The following ZNF429 variants were observed in gnomAD, a reference collection of about 807,000 sequenced individuals.
ZNF429 encodes zinc finger protein 429.
ZNF429 carries 53 observed loss-of-function variants against 56.8 expected under a neutral mutation model. The observed-to-expected ratio is 0.93, with a 90% CI of 0.75 to 1.17. ZNF429 has a LOEUF of 1.17. Ranked by LOEUF, ZNF429 falls within the 50% of genes most tolerant of loss-of-function variation. ZNF429 has a pLI of 0.00. For synonymous variants in ZNF429, 278 were observed against 264.7 expected, an observed-to-expected ratio of 1.05 and a Z score of -0.49; for missense variants, 849 against 788.4, an observed-to-expected ratio of 1.08 and a Z score of -0.92.
At position 21,539,200 on chromosome 19, in the gene ZNF429, TATG is replaced by T. The variant is rs1228691385; in HGVS notation, c.*1125_*1127del. Among the ~76,000 whole-genome samples, 1 of 152,110 alleles carries T rather than the reference TATG, an allele frequency of 6.6e-6. No individual in the cohort carries two copies. Among genetic ancestry groups the T allele is most frequent in the Admixed American group, 6.6e-5 (1 of 15,248 alleles). ...TACATAAATATCATACATAGATATG[TATG>T]ATATTGAATACATGTATTAAATACA... On this transcript the variant is annotated 3_prime_UTR_variant, in exon 4 of 4. Coordinates refer to ENST00000358491, the MANE Select transcript of ZNF429 (RefSeq NM_001001415.4).
At chr19:21,511,825 G>A (rs913671087) in intron 1 of ZNF429, among the ~76,000 whole-genome samples, 12 of 152,264 alleles carry the variant, frequency 7.9e-5, no homozygotes, top group African/African-American at 2.9e-4. Flanking sequence ...CTGCAATCCC[G>A]GCACCTTGGG....
intron 3 of ZNF429, among the ~76,000 whole-genome samples, chr19:21,532,037 A>G: frequency 6.6e-6 from 1 of 152,198 alleles, no homozygotes; most frequent in African/African-American, 2.4e-5. Flanking sequence ...CTTATTTACA[A>G]TAGCATTAGA....
chr19:21,535,445 T>TC lies in ZNF429; in HGVS notation c.227-835_227-834insC. ...CTTTCTTTCTTTCTTTCTTTCTTTC[T>TC]TTCTTTCTTTCTTTCTTTCTTTCTT... On this transcript the variant is annotated intron_variant, in intron 3 of 3. Transcript: ENST00000358491. 2.3e-4 allele frequency among the ~76,000 whole-genome samples: 20 copies of TC among 87,920 alleles called. 3 individuals carry two copies. The highest frequency in any genetic ancestry group is 1.1e-3 in the African/African-American group (19 of 18,076). 57.7% of individuals were successfully genotyped at this position (87,920 alleles called of 152,430 possible).
In ZNF429 at chr19:21,539,081, C is replaced by T. The variant is rs1382229790; in HGVS notation, c.*1003C>T. The stretch of plus-strand genomic sequence containing the variant: ...AACTTTTTTTTCCCCAAAAACTATA[C>T]CTCAGGAAACAATGGAGAGTTTATA... On this transcript the variant is annotated 3_prime_UTR_variant, in exon 4 of 4. Coordinates refer to ENST00000358491, the MANE Select transcript of ZNF429 (RefSeq NM_001001415.4). Among the ~76,000 whole-genome samples the T allele has an allele frequency of 6.6e-6, 1 of 151,702 alleles. No homozygotes were observed. Among genetic ancestry groups the T allele is most frequent in the African/African-American group, 2.4e-5 (1 of 41,274 alleles).
intron 3 of ZNF429, among the ~76,000 whole-genome samples, chr19:21,531,136 A>AAAC: frequency 1.5e-5 from 2 of 130,106 alleles, no homozygotes; most frequent in East Asian, 2.2e-4. Context: ...AAAACCAAAA[A>AAAC]AAAAAAAACA....
intron 1 of ZNF429, among the ~76,000 whole-genome samples, chr19:21,514,214 G>A (rs1283845329): frequency 6.6e-6 from 1 of 152,118 alleles, no homozygotes; most frequent in Non-Finnish European, 1.5e-5. Context: ...TTTTGGTCTA[G>A]GGGTACACAT....
rs762237526 is a variant in ZNF429, at chr19:21,537,479, A to G, written c.1426A>G (p.Thr476Ala). ...SHLTSHRRIH[T>A]GEKPYKCEEC... is the part of the protein sequence containing the mutation. ...CCTTACTAGCCATAGGAGAATTCAT[A>G]CTGGAGAGAAACCCTACAAATGTGA... Residue 476 changes from threonine (T) to alanine (A), a missense_variant, in exon 4 of 4, where the codon ACT becomes GCT. Coordinates refer to ENST00000358491, the MANE Select transcript of ZNF429 (RefSeq NM_001001415.4). The G allele has an allele frequency of 2.5e-6, 4 of 1,614,000 alleles. No individual in the cohort carries two copies. Among genetic ancestry groups the G allele is most frequent in the Non-Finnish European group, 2.5e-6 (3 of 1,180,014 alleles).
At chr19:21,514,069 A>G (rs996778458) in intron 1 of ZNF429, among the ~76,000 whole-genome samples, 1 of 152,120 alleles carries the variant, frequency 6.6e-6, no homozygotes, top group African/African-American at 2.4e-5. Flanking sequence ...CCTGTTTGTA[A>G]TCTCATCTGC....
At chr19:21,535,054 C>G in intron 3 of ZNF429, among the ~76,000 whole-genome samples, 2 of 149,814 alleles carry the variant, frequency 1.3e-5, no homozygotes, top group African/African-American at 4.9e-5. Context: ...GTCTCGATCT[C>G]CTGACCTTGT....
At chr19:21,510,831 C>T (rs866968705) in intron 1 of ZNF429, among the ~76,000 whole-genome samples, 2 of 152,082 alleles carry the variant, frequency 1.3e-5, no homozygotes, top group African/African-American at 4.8e-5. Context: ...GCACATCTTG[C>T]ACCGCCCTTA....
chr19:21,527,668 C>T (rs1189172725), intron 1 of ZNF429, among the ~76,000 whole-genome samples: 2 of 152,068 alleles, frequency 1.3e-5, no homozygotes, highest in African/African-American at 4.8e-5. Context: ...TGCATTGTTC[C>T]TAAATGTCTG....
intron 1 of ZNF429, among the ~76,000 whole-genome samples, chr19:21,506,925 C>G (rs1192198089): frequency 6.6e-6 from 1 of 151,954 alleles, no homozygotes; most frequent in Non-Finnish European, 1.5e-5. Flanking sequence ...GGCACCACCA[C>G]GCCCGGCTAA....
At chr19:21,505,830 G>C (rs2032111802) in intron 1 of ZNF429, 56 bp downstream of exon 1, 7 of 1,595,738 alleles carry the variant, frequency 4.4e-6, no homozygotes, top group Non-Finnish European at 4.3e-6. Flanking sequence ...TCGGAACCGT[G>C]AGAAGTGGCC....
At chr19:21,509,754 A>C (rs1334124183) in intron 1 of ZNF429, among the ~76,000 whole-genome samples, 1 of 152,206 alleles carries the variant, frequency 6.6e-6, no homozygotes, top group African/African-American at 2.4e-5. Flanking sequence ...GTTTTGAGAC[A>C]GTTTTTAGAC....
chr19:21,537,632 C>A lies in ZNF429; in HGVS notation c.1579C>A (p.His527Asn). The change falls in exon 4 of 4, where the codon CAT becomes AAT. Residue 527 changes from histidine (H) to asparagine (N), a missense_variant. Transcript: ENST00000358491. ...TATCCTGTCCTCAAGACTTACTCAACATAAGAAAATTCATACTGGAGAGAA... is the reference window on the plus strand; with the variant it reads ...TATCCTGTCCTCAAGACTTACTCAAAATAAGAAAATTCATACTGGAGAGAA... ...AFILSSRLTQ[H>N]KKIHTGEKPY... The A allele has an allele frequency of 6.2e-7, 1 of 1,613,326 alleles. No individual in the cohort carries two copies. The highest frequency in any genetic ancestry group is 8.5e-7 in the Non-Finnish European group (1 of 1,179,886).
At position 21,536,683 on chromosome 19, in the gene ZNF429, T is replaced by C; in HGVS notation, c.630T>C (p.Phe210=). Residue 210 remains phenylalanine, a synonymous_variant, in exon 4 of 4, where the codon TTT becomes TTC. Transcript: ENST00000358491. ...TYRCKEFGNA[F]NQSSALTNHK... is the part of the protein sequence containing the mutation. The stretch of plus-strand genomic sequence containing the variant: ...GATGTAAAGAATTTGGCAATGCCTT[T>C]AATCAGTCCTCAGCCCTTACTAACC... 6.2e-7 allele frequency: 1 copy of C among 1,614,056 alleles called. No homozygotes were observed. The highest frequency in any genetic ancestry group is 8.5e-7 in the Non-Finnish European group (1 of 1,179,940).
At chr19:21,530,778 T>C in intron 3 of ZNF429, 94 bp downstream of exon 3, 1 of 957,782 alleles carries the variant, frequency 1.0e-6, no homozygotes, top group Non-Finnish European at 1.5e-6. Context: ...GGAAGCTATG[T>C]TTCAAAGAAA....
intron 1 of ZNF429, among the ~76,000 whole-genome samples, chr19:21,516,048 T>C (rs1164849188): frequency 6.6e-6 from 1 of 151,990 alleles, no homozygotes; most frequent in Non-Finnish European, 1.5e-5. Flanking sequence ...TTTTTTGTTT[T>C]TTTGTTTTTT....
chr19:21,536,146 G>A, intron 3 of ZNF429, 134 bp from the exon 4 acceptor site: 1 of 907,170 alleles, frequency 1.1e-6, no homozygotes, highest in Non-Finnish European at 1.6e-6. Flanking sequence ...ATATGTTTAT[G>A]AAGAAATTAG....
Sources: allele counts gnomAD v4.1 joint callset (sites outside exome capture counted in the v4.1 genomes callset), GRCh38; gene constraint gnomAD v4.1.1; transcripts MANE v1.5; gene names NCBI Gene and HGNC (gene_info 2026-07-23, HGNC 2026-07-21).